Variants in PRDM16 observed in about 807,000 individuals in gnomAD.
PRDM16 encodes the protein histone-lysine N-methyltransferase PRDM16.
A neutral mutation model predicts 110.6 loss-of-function variants in PRDM16; 23 were observed. The ratio of observed to expected loss-of-function variants is 0.21; its 90% CI spans 0.15 to 0.29. The LOEUF is 0.29. PRDM16 is among the 10% of genes least tolerant of loss of function. PRDM16 has a pLI of 1.00. For missense variants in PRDM16, 1,615 were observed against 1,794.3 expected (o/e 0.90, Z 1.81); for synonymous variants, 799 against 781.8 (o/e 1.02, Z -0.37).
At chr1:3,375,988 G>A (rs749237926) in intron 3 of PRDM16, among the ~76,000 whole-genome samples, 38 of 152,172 alleles carry the variant, frequency 2.5e-4, no homozygotes, top group Non-Finnish European at 4.4e-4. Flanking sequence ...GCTGGCTGCC[G>A]AGGGCTGTGC....
At chr1:3,380,673 G>A (rs1643087040) in intron 3 of PRDM16, among the ~76,000 whole-genome samples, 1 of 152,200 alleles carries the variant, frequency 6.6e-6, no homozygotes, top group South Asian at 2.1e-4. Flanking sequence ...GAGAGAGCCA[G>A]AGATGTTTAC....
At chr1:3,142,033 C>G (rs1434261091) in intron 1 of PRDM16, among the ~76,000 whole-genome samples, 2 of 152,274 alleles carry the variant, frequency 1.3e-5, no homozygotes, top group Non-Finnish European at 1.5e-5. Flanking sequence ...GGGTCGCACT[C>G]TGGCCCGTGC....
intron 1 of PRDM16, among the ~76,000 whole-genome samples, chr1:3,158,050 A>G (rs1643871529): frequency 6.6e-6 from 1 of 152,260 alleles, no homozygotes; most frequent in African/African-American, 2.4e-5. Context: ...AATATCTGGT[A>G]TACTTTTTCA....
At chr1:3,365,226 C>T (rs1642788439) in intron 3 of PRDM16, among the ~76,000 whole-genome samples, 1 of 152,186 alleles carries the variant, frequency 6.6e-6, no homozygotes, top group East Asian at 1.9e-4. Flanking sequence ...CCTGGGCGCC[C>T]TGTGCCGCCG....
intron 9 of PRDM16, among the ~76,000 whole-genome samples, chr1:3,413,102 G>A (rs1432001548): frequency 6.6e-6 from 1 of 151,858 alleles, no homozygotes; most frequent in Non-Finnish European, 1.5e-5. Context: ...TGCTGGCCTC[G>A]AGCGCCTCCT....
chr1:3,336,314 T>TTGTGTACATGCACATG (rs911923448), intron 3 of PRDM16, among the ~76,000 whole-genome samples: 3 of 151,740 alleles, frequency 2.0e-5, no homozygotes, highest in South Asian at 2.1e-4. Flanking sequence ...CTGTGGCTGT[T>TTGTGTACATGCACATG]TGTGTACATG....
At chr1:3,288,051 C>G (rs1189526839) in intron 3 of PRDM16, among the ~76,000 whole-genome samples, 1 of 152,246 alleles carries the variant, frequency 6.6e-6, no homozygotes, top group Non-Finnish European at 1.5e-5. Flanking sequence ...ATGGGGGCTA[C>G]AAGGAGGCAA....
At chr1:3,348,562 CT>C (rs1642411616) in intron 3 of PRDM16, among the ~76,000 whole-genome samples, 1 of 152,238 alleles carries the variant, frequency 6.6e-6, no homozygotes, top group Admixed American at 6.5e-5. Flanking sequence ...GACATGCACG[CT>C]TCTTAAAGAG....
chr1:3,261,431 G>T (rs1343337021), intron 3 of PRDM16, among the ~76,000 whole-genome samples: 1 of 152,108 alleles, frequency 6.6e-6, no homozygotes, highest in Non-Finnish European at 1.5e-5. Flanking sequence ...GCTGCCAGAC[G>T]GGGCTTCTGA....
At chr1:3,216,690 G>A (rs529073304) in intron 2 of PRDM16, among the ~76,000 whole-genome samples, 14 of 152,378 alleles carry the variant, frequency 9.2e-5, no homozygotes, top group South Asian at 6.2e-4. Context: ...CACACTGTCC[G>A]GAGGCTGTGG....
chr1:3,228,470 G>A (rs887552354), intron 2 of PRDM16, among the ~76,000 whole-genome samples: 5 of 152,342 alleles, frequency 3.3e-5, no homozygotes, highest in South Asian at 2.1e-4. Context: ...TCAGAGTAAC[G>A]CTGTTGGTCT....
chr1:3,218,617 T>G (rs1639084750), intron 2 of PRDM16, among the ~76,000 whole-genome samples: 1 of 152,254 alleles, frequency 6.6e-6, no homozygotes, highest in South Asian at 2.1e-4. Context: ...TTCTCTGCCT[T>G]CCTTCTGGCT....
intron 1 of PRDM16, chr1:3,133,094 T>C (rs1643367348): frequency 6.6e-6 from 1 of 152,298 alleles, no homozygotes; most frequent in Non-Finnish European, 1.5e-5. Flanking sequence ...CCAGACTGAG[T>C]GGTCCACACC....
intron 3 of PRDM16, among the ~76,000 whole-genome samples, chr1:3,354,938 A>G (rs909187102): frequency 6.6e-6 from 1 of 152,156 alleles, no homozygotes; most frequent in South Asian, 2.1e-4. Flanking sequence ...CACCTGCTGA[A>G]GGGAGTGGGG....
At chr1:3,098,943 C>T (rs191599635) in intron 1 of PRDM16, among the ~76,000 whole-genome samples, 21 of 152,328 alleles carry the variant, frequency 1.4e-4, no homozygotes, top group African/African-American at 4.8e-4. Context: ...TCTCAGTGCC[C>T]GTTGAGTGGC....
At chr1:3,385,706 GAA>G (rs1167422858) in intron 4 of PRDM16, among the ~76,000 whole-genome samples, 3 of 152,220 alleles carry the variant, frequency 2.0e-5, no homozygotes, top group Non-Finnish European at 4.4e-5. Context: ...CAAATTTTCC[GAA>G]GAGTCCGCAC....
chr1:3,315,759 G>C (rs1467539369), intron 3 of PRDM16, among the ~76,000 whole-genome samples: 1 of 152,154 alleles, frequency 6.6e-6, no homozygotes, highest in Non-Finnish European at 1.5e-5. Flanking sequence ...AGCATCCCCG[G>C]CGACTTCATT....
intron 3 of PRDM16, among the ~76,000 whole-genome samples, chr1:3,344,052 T>A (rs1642319131): frequency 6.6e-6 from 1 of 152,218 alleles, no homozygotes; most frequent in Non-Finnish European, 1.5e-5. Context: ...AAGCCCATCC[T>A]TGGGCTGGGT....
At chr1:3,276,575 C>T (rs1438380490) in intron 3 of PRDM16, among the ~76,000 whole-genome samples, 1 of 152,236 alleles carries the variant, frequency 6.6e-6, no homozygotes, top group Non-Finnish European at 1.5e-5. Context: ...CCCGAGCTGT[C>T]CCAGCCCATG....
Sources: gnomAD v4.1 joint callset for allele counts (sites outside exome capture counted in the v4.1 genomes callset) on GRCh38, gnomAD v4.1.1 for gene constraint, MANE v1.5 for transcripts, NCBI Gene and HGNC (gene_info 2026-07-23, HGNC 2026-07-21) for gene names.